POMK: variants seen among roughly 807,000 people sequenced by gnomAD.
POMK encodes Sugen kinase 196.
In POMK, 19 loss-of-function variants were observed where a neutral mutation model predicts 23.0. The ratio of observed to expected loss-of-function variants is 0.83; its 90% CI spans 0.58 to 1.21. The LOEUF is 1.21. POMK is among the 50% of genes most tolerant of loss of function. The probability of loss-of-function intolerance (pLI) is 0.00; values close to 1 mark genes in which losing one functional copy is unlikely to be tolerated. For synonymous variants in POMK, 173 were observed against 171.6 expected, an observed-to-expected ratio of 1.01 and a Z score of -0.06; for missense variants, 410 against 431.3, an observed-to-expected ratio of 0.95 and a Z score of 0.44.
intron 2 of POMK, among the ~76,000 whole-genome samples, chr8:43,101,242 G>A (rs1015811500): frequency 2.0e-5 from 3 of 151,756 alleles, no homozygotes; most frequent in South Asian, 2.1e-4. Flanking sequence ...GAGCAACATC[G>A]TGAGACCCAG....
intron 4 of POMK, among the ~76,000 whole-genome samples, chr8:43,106,191 C>T (rs538751679): frequency 2.6e-5 from 4 of 152,262 alleles, no homozygotes; most frequent in Non-Finnish European, 4.4e-5. Context: ...GCCATCCTAA[C>T]TGGGGTGAGA....
chr8:43,119,936 CTT>C (rs1198265599), intron 4 of POMK, among the ~76,000 whole-genome samples: 7 of 133,616 alleles, frequency 5.2e-5, no homozygotes, highest in Admixed American at 1.5e-4. Context: ...ATTTCTTTTT[CTT>C]TTTTTTTTTT....
At chr8:43,094,882 C>A (rs533081065) in intron 1 of POMK, among the ~76,000 whole-genome samples, 2 of 152,308 alleles carry the variant, frequency 1.3e-5, no homozygotes, top group African/African-American at 2.4e-5. Flanking sequence ...CAACCTGCCC[C>A]ACCATCTTTA....
chr8:43,101,318 A>G (rs1811435875), intron 2 of POMK, among the ~76,000 whole-genome samples: 1 of 151,550 alleles, frequency 6.6e-6, no homozygotes, highest in Admixed American at 6.6e-5. Flanking sequence ...CCCAGCTACT[A>G]AGGAGGCAGA....
intron 4 of POMK, among the ~76,000 whole-genome samples, chr8:43,120,578 G>GAT (rs375820342): frequency 2.5e-4 from 38 of 150,026 alleles, no homozygotes; most frequent in East Asian, 1.2e-3. Flanking sequence ...GTGACCGCAT[G>GAT]ATATATATAT....
At chr8:43,105,171 A>G (rs902767999) in intron 4 of POMK, among the ~76,000 whole-genome samples, 8 of 152,170 alleles carry the variant, frequency 5.3e-5, no homozygotes, top group African/African-American at 1.9e-4. Context: ...AACATGTATC[A>G]CTTCTTTTGG....
At chr8:43,116,601 C>T (rs1191376818) in intron 4 of POMK, among the ~76,000 whole-genome samples, 2 of 152,092 alleles carry the variant, frequency 1.3e-5, no homozygotes, top group African/African-American at 4.8e-5. Context: ...TTTACATTTG[C>T]AATAAAGGAT....
chr8:43,096,220 C>T (rs1253169570), intron 1 of POMK, among the ~76,000 whole-genome samples: 1 of 152,034 alleles, frequency 6.6e-6, no homozygotes, highest in African/African-American at 2.4e-5. Context: ...AGCTCAGGGG[C>T]CAGAGAGTGT....
chr8:43,107,183 C>T (rs1811560521), intron 4 of POMK, among the ~76,000 whole-genome samples: 1 of 150,482 alleles, frequency 6.6e-6, no homozygotes, highest in Admixed American at 6.6e-5. Flanking sequence ...TTATAGTCCA[C>T]AAAAATATTA....
intron 1 of POMK, 71 bp downstream of exon 1, chr8:43,093,634 C>CA (rs769276281): frequency 1.0e-3 from 153 of 153,118 alleles, no homozygotes; most frequent in Middle Eastern, 3.4e-3. Context: ...CCGGGGGACC[C>CA]TGTACGTGGC....
At chr8:43,106,532 C>G (rs1214639217) in intron 4 of POMK, among the ~76,000 whole-genome samples, 2 of 108,586 alleles carry the variant, frequency 1.8e-5, no homozygotes, top group Admixed American at 2.2e-4. Context: ...TTTTTTTTGA[C>G]TGAGTCTTGC....
At chr8:43,094,847 C>T (rs915797132) in intron 1 of POMK, among the ~76,000 whole-genome samples, 13 of 152,204 alleles carry the variant, frequency 8.5e-5, no homozygotes, top group Non-Finnish European at 1.6e-4. Flanking sequence ...CTTTGCATTT[C>T]AGTCGTGCCT....
chr8:43,119,130 T>C (rs2130622347), intron 4 of POMK, among the ~76,000 whole-genome samples: 1 of 152,112 alleles, frequency 6.6e-6, no homozygotes, highest in African/African-American at 2.4e-5. Flanking sequence ...TTGTTGAATG[T>C]GTAGCAGCAG....
intron 4 of POMK, 114 bp downstream of exon 4, chr8:43,103,944 A>G: frequency 9.4e-7 from 1 of 1,063,426 alleles, no homozygotes; most frequent in Non-Finnish European, 1.4e-6. Context: ...TGTTACTGCC[A>G]AAGTGTACTC....
intron 4 of POMK, 148 bp downstream of exon 4, chr8:43,103,978 G>A: frequency 1.2e-6 from 1 of 831,542 alleles, no homozygotes; most frequent in East Asian, 2.7e-5. Flanking sequence ...CACCACATTT[G>A]CTTTGGTTGA....
Position 43,122,643 on chromosome 8 carries a change from G to A in POMK, c.819G>A (p.Met273Ile). ...GEDVPFHDDL[M>I]PSYDEKIDIW... The stretch of plus-strand genomic sequence containing the variant: ...ACGTGCCTTTCCACGATGATCTCAT[G>A]CCCTCATATGATGAGAAGATTGACA... The change falls in exon 5 of 5, where the codon ATG (methionine) becomes ATA (isoleucine). Residue 273 changes from methionine (M) to isoleucine (I), a missense_variant. By Grantham distance (10) the Met-to-Ile change is conservative. Transcript: ENST00000331373. The A allele has an allele frequency of 6.2e-7, 1 of 1,614,190 alleles. No homozygotes were observed. Among genetic ancestry groups the A allele is most frequent in the Non-Finnish European group, 8.5e-7 (1 of 1,180,010 alleles).
chr8:43,097,390 C>A (rs1198656782), intron 1 of POMK, 134 bp from the exon 2 acceptor site: 1 of 151,934 alleles, frequency 6.6e-6, no homozygotes, highest in Non-Finnish European at 1.5e-5. Flanking sequence ...GGGGAGGAGT[C>A]CAGAGGGTCT....
chr8:43,122,258 A>G lies in POMK; in HGVS notation c.434A>G (p.Asn145Ser), dbSNP rs1398100316. The G allele has an allele frequency of 1.9e-6, 3 of 1,614,094 alleles. No individual in the cohort carries two copies. The highest frequency in any genetic ancestry group is 2.5e-6 in the Non-Finnish European group (3 of 1,180,046). Reference protein sequence around the residue: ...VTLLGYCEDDNTMLTEYHPLG... With the variant: ...VTLLGYCEDDSTMLTEYHPLG... ...CTGCTTGGCTATTGTGAGGATGACAACACTATGCTTACTGAATATCACCCT... is the reference window on the plus strand; with the variant it reads ...CTGCTTGGCTATTGTGAGGATGACAGCACTATGCTTACTGAATATCACCCT... Residue 145 changes from asparagine to serine, a missense_variant, in exon 5 of 5, where the codon AAC becomes AGC. By Grantham distance (46) the Asn-to-Ser change is conservative (BLOSUM62 1). Coordinates refer to ENST00000331373, the MANE Select transcript of POMK (RefSeq NM_032237.5).
At chr8:43,116,028 C>A (rs1418968911) in intron 4 of POMK, among the ~76,000 whole-genome samples, 1 of 152,236 alleles carries the variant, frequency 6.6e-6, no homozygotes, top group African/African-American at 2.4e-5. Flanking sequence ...GCTCAAAGGC[C>A]ACCCCAGTGA....
Sources: allele counts gnomAD v4.1 joint callset (sites outside exome capture counted in the v4.1 genomes callset), GRCh38; gene constraint gnomAD v4.1.1; transcripts MANE v1.5; gene names NCBI Gene and HGNC (gene_info 2026-07-23, HGNC 2026-07-21).